EPHA6: variants seen among roughly 807,000 people sequenced by gnomAD.
EPHA6 encodes the protein EPH receptor A6, also known as ephrin type-A receptor 6.
A neutral mutation model predicts 112.0 loss-of-function variants in EPHA6; 50 were observed. That is an observed-to-expected ratio of 0.45 (90% CI 0.36 to 0.56). The LOEUF (loss-of-function observed/expected upper bound fraction) is 0.56, where lower values mean the gene tolerates loss of function less well. Ranked by LOEUF, EPHA6 falls within the 20% of genes least tolerant of loss-of-function variation. EPHA6 has a pLI of 0.00. For missense variants in EPHA6, 1,280 were observed against 1,417.4 expected (o/e 0.90, Z 1.56); for synonymous variants, 529 against 490.7 (o/e 1.08, Z -1.03).
At chr3:97,474,853 G>A (rs1347064032) in intron 7 of EPHA6, among the ~76,000 whole-genome samples, 1 of 151,962 alleles carries the variant, frequency 6.6e-6, no homozygotes, top group Non-Finnish European at 1.5e-5. Context: ...CTGTGGAGGT[G>A]AGAATCCACA....
At chr3:97,574,194 G>A (rs760784248) in intron 11 of EPHA6, among the ~76,000 whole-genome samples, 18 of 152,100 alleles carry the variant, frequency 1.2e-4, no homozygotes, top group Non-Finnish European at 1.9e-4. Flanking sequence ...TAGAGAAATG[G>A]TTTTAATACC....
chr3:97,244,191 A>T lies in EPHA6; in HGVS notation c.1510A>T (p.Asn504Tyr). 6.2e-7 allele frequency: 1 copy of T among 1,613,216 alleles called. No homozygotes were observed. Among genetic ancestry groups the T allele is most frequent in the Non-Finnish European group, 8.5e-7 (1 of 1,179,410 alleles). Reference protein sequence around the residue: ...VIVLDFVSHVNYTFEIEAMNG... With the variant: ...VIVLDFVSHVYYTFEIEAMNG... ...AGTACTTGACTTTGTGTCTCACGTG[A>T]ATTACACCTTTGAAATAGAAGCAAT... Residue 504 changes from asparagine to tyrosine, a missense_variant, in exon 5 of 18, where the codon AAT becomes TAT. Transcript: ENST00000389672.
intron 3 of EPHA6, among the ~76,000 whole-genome samples, chr3:97,211,542 A>G (rs2077875655): frequency 1.3e-5 from 2 of 152,126 alleles, no homozygotes; most frequent in South Asian, 4.1e-4. Context: ...TTATTTGCAG[A>G]TGGCTATCTT....
At chr3:96,845,913 G>C (rs2035048298) in intron 1 of EPHA6, among the ~76,000 whole-genome samples, 1 of 151,602 alleles carries the variant, frequency 6.6e-6, no homozygotes. Flanking sequence ...TGAAATATGG[G>C]GGATGAATCC....
chr3:97,198,329 A>G (rs1256047229), intron 3 of EPHA6, among the ~76,000 whole-genome samples: 1 of 152,128 alleles, frequency 6.6e-6, no homozygotes, highest in Admixed American at 6.6e-5. Context: ...ATGCAAAAAA[A>G]TGTGTGTGAC....
rs1391295027 is a variant in EPHA6, at chr3:97,757,815, A to G, written c.*9114A>G. Among the ~76,000 whole-genome samples, 1 of 151,872 alleles carries G rather than the reference A, an allele frequency of 6.6e-6. No homozygotes were observed. Among genetic ancestry groups the G allele is most frequent in the African/African-American group, 2.4e-5 (1 of 41,432 alleles). On this transcript the variant is annotated 3_prime_UTR_variant, in exon 18 of 18. Coordinates refer to ENST00000389672, the MANE Select transcript of EPHA6 (RefSeq NM_001080448.3). ...CCTTCTCTTTCCAGTTGTTTTAAGT[A>G]TTTTAAAAAAGAGCCATTGTATTTT...
intron 9 of EPHA6, chr3:97,481,397 C>A: frequency 6.7e-7 from 1 of 1,484,552 alleles, no homozygotes. Flanking sequence ...AAATTTTTTG[C>A]TGTGGGTTTT....
At position 97,749,751 on chromosome 3, in the gene EPHA6, A is replaced by C. The variant is rs968077723; in HGVS notation, c.*1050A>C. On this transcript the variant is annotated 3_prime_UTR_variant, in exon 18 of 18. Transcript: ENST00000389672. ...TGATAGATACATGGTGGCCCAAGAA[A>C]ATAAACAGACTTAGCTGATCATTTG... Among the ~76,000 whole-genome samples the C allele has an allele frequency of 3.3e-5, 5 of 152,230 alleles. No individual in the cohort carries two copies. The highest frequency in any genetic ancestry group is 4.8e-5 in the African/African-American group (2 of 41,474).
chr3:96,994,730 TATAGAGAG>T (rs1455871943), intron 3 of EPHA6, among the ~76,000 whole-genome samples: 133 of 82,830 alleles, frequency 1.6e-3, no homozygotes, highest in East Asian at 0.01. Context: ...TATATATATA[TATAGAGAG>T]AGAGAGAGAG....
chr3:97,295,519 T>G (rs2080843984), intron 5 of EPHA6, among the ~76,000 whole-genome samples: 1 of 152,018 alleles, frequency 6.6e-6, no homozygotes. Flanking sequence ...GTTTTTCTTG[T>G]ATGTCACTGA....
chr3:97,173,663 A>G (rs2076757279), intron 3 of EPHA6, among the ~76,000 whole-genome samples: 1 of 151,892 alleles, frequency 6.6e-6, no homozygotes, highest in Non-Finnish European at 1.5e-5. Context: ...TCTGTAATGT[A>G]TACAAGATGT....
intron 13 of EPHA6, among the ~76,000 whole-genome samples, chr3:97,621,061 C>T (rs1164083938): frequency 6.6e-6 from 1 of 152,044 alleles, no homozygotes. Context: ...GGTACATATA[C>T]ACCATGGAAT....
At chr3:97,143,894 A>C (rs1278964138) in intron 3 of EPHA6, among the ~76,000 whole-genome samples, 2 of 151,728 alleles carry the variant, frequency 1.3e-5, no homozygotes, top group African/African-American at 2.4e-5. Context: ...AGGGAGGTAA[A>C]ATAAAACAAA....
At chr3:97,236,717 T>C (rs2078690172) in intron 4 of EPHA6, among the ~76,000 whole-genome samples, 1 of 152,112 alleles carries the variant, frequency 6.6e-6, no homozygotes, top group Non-Finnish European at 1.5e-5. Context: ...GAAGAAAGCA[T>C]AAAACTTGAA....
At chr3:97,142,593 C>A (rs1000220348) in intron 3 of EPHA6, among the ~76,000 whole-genome samples, 2 of 151,934 alleles carry the variant, frequency 1.3e-5, no homozygotes, top group Admixed American at 1.3e-4. Flanking sequence ...TGGAAACATA[C>A]AACTTCCCAA....
chr3:96,874,431 T>G (rs935391303), intron 2 of EPHA6, among the ~76,000 whole-genome samples: 3 of 152,116 alleles, frequency 2.0e-5, no homozygotes, highest in South Asian at 2.1e-4. Context: ...GCCTCAATAA[T>G]TGTGTCTTTT....
intron 2 of EPHA6, among the ~76,000 whole-genome samples, chr3:96,942,528 A>G (rs1399888183): frequency 6.6e-6 from 1 of 152,132 alleles, no homozygotes; most frequent in East Asian, 1.9e-4. Context: ...CCTTTCTTTG[A>G]CTAGGAAAGG....
intron 15 of EPHA6, among the ~76,000 whole-genome samples, chr3:97,727,416 T>C (rs2034821711): frequency 6.6e-6 from 1 of 152,074 alleles, no homozygotes; most frequent in Admixed American, 6.6e-5. Flanking sequence ...TACTTCCTGT[T>C]TGTCCTCATA....
chr3:97,155,470 T>C (rs1405098930), intron 3 of EPHA6, among the ~76,000 whole-genome samples: 1 of 152,186 alleles, frequency 6.6e-6, no homozygotes, highest in East Asian at 1.9e-4. Flanking sequence ...TTCTGTGTAT[T>C]AGTTTGTTGC....
Sources: gnomAD v4.1 joint callset for allele counts (sites outside exome capture counted in the v4.1 genomes callset) on GRCh38, gnomAD v4.1.1 for gene constraint, MANE v1.5 for transcripts, NCBI Gene and HGNC (gene_info 2026-07-23, HGNC 2026-07-21) for gene names.